PHF21A: variants seen among roughly 807,000 people sequenced by gnomAD.
The protein encoded by PHF21A is PHD finger protein 21A.
In PHF21A, 11 loss-of-function variants were observed where a neutral mutation model predicts 82.5. The ratio of observed to expected loss-of-function variants is 0.13; its 90% confidence interval spans 0.08 to 0.22. PHF21A has a LOEUF of 0.22. Among genes scored for constraint, PHF21A ranks in the 10% least tolerant of loss-of-function variants. The probability of loss-of-function intolerance (pLI) is 1.00; values close to 1 mark genes in which losing one functional copy is unlikely to be tolerated. For synonymous variants in PHF21A, 297 were observed against 302.8 expected, an observed-to-expected ratio of 0.98 and a Z score of 0.20; for missense variants, 579 against 837.8, an observed-to-expected ratio of 0.69 and a Z score of 3.81.
chr11:45,954,521 C>T (rs1488918495), intron 10 of PHF21A, among the ~76,000 whole-genome samples: 1 of 151,974 alleles, frequency 6.6e-6, no homozygotes, highest in Non-Finnish European at 1.5e-5. Context: ...AAGAGGCTGA[C>T]TTCCTAATTT....
Position 45,934,019 on chromosome 11 carries a change from G to A in PHF21A, c.1995C>T (p.Pro665=), listed in dbSNP as rs1565125086. 1.9e-6 allele frequency: 3 copies of A among 1,610,324 alleles called. No individual in the cohort carries two copies. The highest frequency in any genetic ancestry group is 2.5e-6 in the Non-Finnish European group (3 of 1,178,138). ...NAATSTPAPS[P]SSQSCTANCN... ...AGTTCGCTGTGCAGCTCTGGGAGGA[G>A]GGGGAAGGGGCCGGCGTGGAGGTGG... Residue 665 remains proline, a synonymous_variant, in exon 19 of 19, where the codon CCC becomes CCT. Coordinates refer to ENST00000676320, the MANE Select transcript of PHF21A (RefSeq NM_001352027.3).
intron 6 of PHF21A, among the ~76,000 whole-genome samples, chr11:46,056,499 T>C (rs184361250): frequency 2.0e-5 from 3 of 152,198 alleles, no homozygotes; most frequent in Non-Finnish European, 4.4e-5. Flanking sequence ...AAACAAGAAA[T>C]TGGGCTTTTA....
intron 7 of PHF21A, among the ~76,000 whole-genome samples, chr11:45,974,166 T>C (rs372141991): frequency 2.9e-4 from 44 of 152,322 alleles, no homozygotes; most frequent in African/African-American, 1.0e-3. Context: ...CAAGACCTAG[T>C]ACTGTATGCT....
intron 10 of PHF21A, among the ~76,000 whole-genome samples, chr11:45,959,358 A>C (rs2092932900): frequency 6.6e-6 from 1 of 152,246 alleles, no homozygotes; most frequent in Admixed American, 6.5e-5. Context: ...AATTCCAGTT[A>C]TCTATTCATA....
In PHF21A at chr11:45,933,944, G is replaced by C; in HGVS notation, c.*24C>G. 1 of 1,484,522 alleles carries C rather than the reference G, an allele frequency of 6.7e-7. No individual in the cohort carries two copies. Among genetic ancestry groups the C allele is most frequent in the Non-Finnish European group, 9.0e-7 (1 of 1,116,042 alleles). 92.0% of individuals were successfully genotyped at this position (1,484,522 alleles called of 1,614,324 possible). On this transcript the variant is annotated 3_prime_UTR_variant, in exon 19 of 19. Transcript: ENST00000676320. ...CTGTTCTCCTTGCCGCCGGGATCCC[G>C]TGGCTTCTCCTAGAGGGGCTCTGTT...
chr11:46,108,588 A>ATATAT (rs67231476), intron 1 of PHF21A, among the ~76,000 whole-genome samples: 258 of 118,094 alleles, frequency 2.2e-3, no homozygotes, highest in Middle Eastern at 0.012. Flanking sequence ...TATATATATA[A>ATATAT]AATACATATG....
chr11:46,030,081 T>C (rs1373599048), intron 6 of PHF21A, among the ~76,000 whole-genome samples: 1 of 152,200 alleles, frequency 6.6e-6, no homozygotes, highest in East Asian at 1.9e-4. Context: ...TAGGTTGTTA[T>C]TCATTACGGT....
At chr11:46,046,170 T>C (rs2096253079) in intron 6 of PHF21A, among the ~76,000 whole-genome samples, 1 of 152,174 alleles carries the variant, frequency 6.6e-6, no homozygotes, top group Non-Finnish European at 1.5e-5. Context: ...CCTGAGCTTA[T>C]GCACATGTGC....
chr11:46,018,184 A>T lies in PHF21A; in HGVS notation c.154-38218T>A, dbSNP rs963189950. Among the ~76,000 whole-genome samples the T allele has an allele frequency of 2.0e-5, 3 of 148,952 alleles. No individual in the cohort carries two copies. The Admixed American group carries it at 2.0e-4, about 10-fold the overall frequency. ...AGAATGGCGTGAACCCGGGAGGCGGAGCTTGCAGTGAGCTGAGATTGCGCC... is the reference window on the plus strand; with the variant it reads ...AGAATGGCGTGAACCCGGGAGGCGGTGCTTGCAGTGAGCTGAGATTGCGCC... On this transcript the variant is annotated intron_variant, in intron 6 of 18. Coordinates refer to ENST00000676320, the MANE Select transcript of PHF21A (RefSeq NM_001352027.3).
At chr11:46,111,109 C>CTA (rs1456124068) in intron 1 of PHF21A, among the ~76,000 whole-genome samples, 1 of 149,662 alleles carries the variant, frequency 6.7e-6, no homozygotes, top group Non-Finnish European at 1.5e-5. Flanking sequence ...TAAATCACAA[C>CTA]TATGTGGGGG....
rs975432476 is a variant in PHF21A at position 45,933,261 on chromosome 11, T to C, written c.*707A>G. On this transcript the variant is annotated 3_prime_UTR_variant, in exon 19 of 19. Transcript: ENST00000676320. ...TCACCAAGCAGGGAAGGAAGGAGAC[T>C]GGGCAGGCTTCAGGAGTGGTGGGGT... The C allele has an allele frequency of 6.6e-6, 1 of 152,608 alleles. No individual in the cohort carries two copies. Among genetic ancestry groups the C allele is most frequent in the Non-Finnish European group, 1.5e-5 (1 of 68,066 alleles). The allele number at this position is 152,608 out of a possible 1,614,324, so 9.5% of individuals were successfully genotyped here.
intron 1 of PHF21A, among the ~76,000 whole-genome samples, chr11:46,115,940 T>G (rs1047877021): frequency 6.6e-6 from 1 of 152,166 alleles, no homozygotes; most frequent in African/African-American, 2.4e-5. Flanking sequence ...AGAGGTTTCA[T>G]TTTTATCTAA....
intron 18 of PHF21A, 77 bp downstream of exon 18, chr11:45,935,559 C>G (rs757810876): frequency 1.2e-6 from 1 of 824,870 alleles, no homozygotes; most frequent in Non-Finnish European, 2.1e-6. Context: ...GGGGCCCACA[C>G]GTACTGTTAC....
At chr11:46,084,834 T>C (rs909791334) in intron 3 of PHF21A, among the ~76,000 whole-genome samples, 1 of 152,092 alleles carries the variant, frequency 6.6e-6, no homozygotes, top group Non-Finnish European at 1.5e-5. Flanking sequence ...CACCTGCCAC[T>C]ACGCCCGGCT....
intron 6 of PHF21A, among the ~76,000 whole-genome samples, chr11:46,058,717 T>C (rs2139409294): frequency 6.6e-6 from 1 of 152,294 alleles, no homozygotes; most frequent in East Asian, 1.9e-4. Flanking sequence ...GGCTCTCTGA[T>C]CTAGCCATGT....
intron 6 of PHF21A, among the ~76,000 whole-genome samples, chr11:46,015,470 T>C (rs1446517730): frequency 1.3e-5 from 2 of 152,142 alleles, no homozygotes; most frequent in Non-Finnish European, 2.9e-5. Flanking sequence ...TTCTTATAGT[T>C]TGAGATTTTA....
At chr11:46,074,003 G>A (rs1250154140) in intron 6 of PHF21A, among the ~76,000 whole-genome samples, 3 of 152,056 alleles carry the variant, frequency 2.0e-5, no homozygotes, top group East Asian at 1.9e-4. Context: ...TGGAGCATAC[G>A]ATTACATAGT....
At chr11:46,007,580 C>G (rs1350826157) in intron 6 of PHF21A, among the ~76,000 whole-genome samples, 1 of 152,174 alleles carries the variant, frequency 6.6e-6, no homozygotes, top group African/African-American at 2.4e-5. Flanking sequence ...TCCCAAAGTG[C>G]TGGGTATTAC....
chr11:46,109,612 A>G (rs1422998915), intron 1 of PHF21A, among the ~76,000 whole-genome samples: 1 of 152,194 alleles, frequency 6.6e-6, no homozygotes, highest in African/African-American at 2.4e-5. Context: ...TTATATTTAT[A>G]ATATACACAC....
Sources: gnomAD v4.1 joint callset for allele counts (sites outside exome capture counted in the v4.1 genomes callset) on GRCh38, gnomAD v4.1.1 for gene constraint, MANE v1.5 for transcripts, NCBI Gene and HGNC (gene_info 2026-07-23, HGNC 2026-07-21) for gene names.